The following OTOF variants were observed in gnomAD, a reference collection of about 807,000 sequenced individuals.
OTOF encodes otoferlin.
OTOF carries 218 observed loss-of-function variants against 236.8 expected under a neutral mutation model. The ratio of observed to expected loss-of-function variants is 0.92; its 90% CI spans 0.82 to 1.03. The LOEUF is 1.03. Among genes scored for constraint, OTOF ranks in the 50% least tolerant of loss-of-function variants. The pLI, the probability that OTOF is intolerant of heterozygous loss-of-function variation, is 0.00. For synonymous variants in OTOF, 1,041 were observed against 1,072.5 expected (o/e 0.97, Z 0.57); for missense variants, 2,590 against 2,694.4 (o/e 0.96, Z 0.86).
intron 1 of OTOF, among the ~76,000 whole-genome samples, chr2:26,550,266 AT>A (rs1348116965): frequency 6.6e-6 from 1 of 152,070 alleles, no homozygotes; most frequent in African/African-American, 2.4e-5. Flanking sequence ...TAGGGTAAAA[AT>A]GATCACATGA....
chr2:26,549,265 T>C (rs1202612631), intron 1 of OTOF, among the ~76,000 whole-genome samples: 1 of 152,256 alleles, frequency 6.6e-6, no homozygotes, highest in African/African-American at 2.4e-5. Context: ...TTTCAGTCTT[T>C]TGAAATGTAT....
chr2:26,476,158 C>T lies in OTOF; in HGVS notation c.2836G>A (p.Ala946Thr), dbSNP rs1404452180. The T allele has an allele frequency of 6.2e-7, 1 of 1,611,124 alleles. No homozygotes were observed. Among genetic ancestry groups the T allele is most frequent in the Non-Finnish European group, 8.5e-7 (1 of 1,179,500 alleles). The change falls in exon 23 of 47, where the codon GCC (alanine) becomes ACC (threonine). Residue 946 changes from alanine to threonine, a missense_variant. Transcript: ENST00000272371. ...TAGACCAGGCTGACGGGTGGGAAGG[C>T]ATGCAGGCCCAGGCCCTGGGCTGCC... ...VKAAQGLGLHAFPPVSLVYTK... is the reference protein window; with the variant it reads ...VKAAQGLGLHTFPPVSLVYTK...
intron 15 of OTOF, 52 bp downstream of exon 15, chr2:26,480,734 A>T (rs1020229855): frequency 6.8e-7 from 1 of 1,470,340 alleles, no homozygotes; most frequent in South Asian, 1.1e-5. Flanking sequence ...ACTCAGGGAG[A>T]AGGGGGCTGA....
chr2:26,537,133 G>A (rs1433428613), intron 2 of OTOF, among the ~76,000 whole-genome samples: 2 of 152,194 alleles, frequency 1.3e-5, no homozygotes, highest in Non-Finnish European at 2.9e-5. Context: ...AGCAGCTCAC[G>A]TCTTTTCTCA....
chr2:26,476,884 C>CCAG lies in OTOF; in HGVS notation c.2676+4_2676+6dup. The stretch of plus-strand genomic sequence containing the variant: ...CAGGCCCCCATCCATCCTGCCCCCT[C>CCAG]CAGCACCTTAAGGAAGAGCGTCTTG... On this transcript the variant is annotated splice_region_variant and intron_variant, in intron 22 of 46. Transcript: ENST00000272371. 1 of 1,607,666 alleles carries CCAG rather than the reference C, an allele frequency of 6.2e-7. No homozygotes were observed. Among genetic ancestry groups the CCAG allele is most frequent in the Non-Finnish European group, 8.5e-7 (1 of 1,179,570 alleles).
At chr2:26,550,135 G>T (rs1190296437) in intron 1 of OTOF, among the ~76,000 whole-genome samples, 1 of 151,250 alleles carries the variant, frequency 6.6e-6, no homozygotes, top group Admixed American at 6.6e-5. Context: ...GTGAAAACTC[G>T]TCTCCACCTC....
chr2:26,478,852 C>T (rs1361412496), intron 18 of OTOF, among the ~76,000 whole-genome samples: 2 of 152,186 alleles, frequency 1.3e-5, no homozygotes, highest in Admixed American at 1.3e-4. Context: ...GTGCCCGCCA[C>T]CAAGCCCCGC....
At chr2:26,489,526 G>A in intron 10 of OTOF, 152 bp downstream of exon 10, 1 of 749,806 alleles carries the variant, frequency 1.3e-6, no homozygotes. Context: ...GTGGGGGCCA[G>A]AATCCAGCCT....
intron 6 of OTOF, among the ~76,000 whole-genome samples, chr2:26,502,820 C>A (rs1572456659): frequency 6.6e-6 from 1 of 152,200 alleles, no homozygotes; most frequent in African/African-American, 2.4e-5. Context: ...TATCTCTAGT[C>A]CTTAGAGCTG....
intron 1 of OTOF, among the ~76,000 whole-genome samples, chr2:26,545,954 C>G (rs1667319764): frequency 6.6e-6 from 1 of 152,116 alleles, no homozygotes. Context: ...TTGAACAACA[C>G]AGGGATTAGA....
Position 26,509,357 on chromosome 2 carries a change from A to T in OTOF, c.510-5512T>A, listed in dbSNP as rs1448602707. ...CTGAGCCTTGACACATGCTCTGCCT[A>T]CGTGTCTTCCCTTACTGGGAACCTG... On this transcript the variant is annotated intron_variant, in intron 5 of 46. Coordinates refer to ENST00000272371, the MANE Select transcript of OTOF (RefSeq NM_194248.3). 2.6e-5 allele frequency among the ~76,000 whole-genome samples: 4 copies of T among 152,170 alleles called. No homozygotes were observed. In the East Asian group the frequency reaches 7.7e-4, roughly 29 times the overall value.
chr2:26,552,735 G>A (rs1667492541), intron 1 of OTOF, among the ~76,000 whole-genome samples: 3 of 152,182 alleles, frequency 2.0e-5, no homozygotes, highest in Non-Finnish European at 4.4e-5. Flanking sequence ...TGTGGTGAGG[G>A]GGACTGAGTG....
intron 24 of OTOF, 59 bp downstream of exon 24, chr2:26,475,855 G>A (rs1415349529): frequency 7.7e-6 from 12 of 1,552,820 alleles, no homozygotes; most frequent in Middle Eastern, 1.7e-4. Flanking sequence ...AGTCCCCACA[G>A]GCTCACAGGC....
In OTOF at chr2:26,466,798, G is replaced by T. The variant is rs145597315; in HGVS notation, c.4416C>A (p.Ala1472=). The T allele has an allele frequency of 6.2e-7, 1 of 1,614,100 alleles. No individual in the cohort carries two copies. The highest frequency in any genetic ancestry group is 1.1e-5 in the South Asian group (1 of 91,092). The change falls in exon 36 of 47, where the codon GCC becomes GCA. Residue 1472 remains alanine, a synonymous_variant. Transcript: ENST00000272371. ...ACATGCCGTAGGTGGAGTCGTAGCC[G>T]GCTTCCCGGGACACGTCCTCTGGGA... is the stretch of plus-strand genomic sequence containing the variant. ...VPLPEDVSRE[A]GYDSTYGMFQ...
At chr2:26,530,489 G>C (rs1040928843) in intron 2 of OTOF, among the ~76,000 whole-genome samples, 11 of 152,152 alleles carry the variant, frequency 7.2e-5, no homozygotes, top group African/African-American at 2.7e-4. Flanking sequence ...GTTCTTCTTG[G>C]AGGCTTTCCG....
rs1667109933 is a variant in OTOF at position 26,537,776 on chromosome 2, T to C, written c.80-2A>G. On this transcript the variant is annotated splice_acceptor_variant, in intron 1 of 46. Transcript: ENST00000272371. LOFTEE classifies it high-confidence loss of function. Reference sequence around the variant, plus strand: ...GGACCCGAGAGTAGAAGGATTGCCCTGTGGGGAAAGAGGAAATAAATTCTA... The same window carrying C: ...GGACCCGAGAGTAGAAGGATTGCCCCGTGGGGAAAGAGGAAATAAATTCTA... 1.9e-6 allele frequency: 3 copies of C among 1,552,240 alleles called. No individual in the cohort carries two copies. Among genetic ancestry groups the C allele is most frequent in the Non-Finnish European group, 2.6e-6 (3 of 1,146,714 alleles).
intron 2 of OTOF, among the ~76,000 whole-genome samples, chr2:26,530,359 G>C (rs1323587768): frequency 6.6e-6 from 1 of 151,876 alleles, no homozygotes; most frequent in Non-Finnish European, 1.5e-5. Flanking sequence ...GGGGGCTTCC[G>C]GGGCCCCTGA....
At chr2:26,550,387 A>C (rs1233245765) in intron 1 of OTOF, among the ~76,000 whole-genome samples, 1 of 151,380 alleles carries the variant, frequency 6.6e-6, no homozygotes, top group Admixed American at 6.6e-5. Flanking sequence ...CTAACTGATC[A>C]CTGCTCCTGC....
At chr2:26,525,670 G>A (rs1666784151) in intron 3 of OTOF, among the ~76,000 whole-genome samples, 1 of 152,200 alleles carries the variant, frequency 6.6e-6, no homozygotes, top group Non-Finnish European at 1.5e-5. Context: ...AAGATGGATG[G>A]ATGGATGAAT....
Sources: gnomAD v4.1 joint callset for allele counts (sites outside exome capture counted in the v4.1 genomes callset) on GRCh38, gnomAD v4.1.1 for gene constraint, MANE v1.5 for transcripts, NCBI Gene and HGNC (gene_info 2026-07-23, HGNC 2026-07-21) for gene names.